Variants in FHIP1A observed in about 807,000 individuals in gnomAD.
The protein encoded by FHIP1A is FHF complex subunit HOOK-interacting protein 1A.
FHIP1A carries 61 observed loss-of-function variants against 88.6 expected under a neutral mutation model. The ratio of observed to expected loss-of-function variants is 0.69; its 90% CI spans 0.56 to 0.85. FHIP1A has a LOEUF of 0.85. Ranked by LOEUF, FHIP1A falls within the 40% of genes least tolerant of loss-of-function variation. FHIP1A has a pLI of 0.00. For missense variants in FHIP1A, 1,154 were observed against 1,273.5 expected (o/e 0.91, Z 1.43); for synonymous variants, 478 against 496.0 (o/e 0.96, Z 0.48).
chr4:151,619,624 C>T (rs1044341633), intron 7 of FHIP1A, among the ~76,000 whole-genome samples: 3 of 152,052 alleles, frequency 2.0e-5, no homozygotes, highest in Admixed American at 6.6e-5. Flanking sequence ...TCATGGGCTG[C>T]GAATAAATGT....
At chr4:151,560,402 G>A (rs1733127897) in intron 3 of FHIP1A, among the ~76,000 whole-genome samples, 1 of 151,986 alleles carries the variant, frequency 6.6e-6, no homozygotes, top group South Asian at 2.1e-4. Flanking sequence ...ACATGACCAA[G>A]ACAAAAACTT....
intron 3 of FHIP1A, among the ~76,000 whole-genome samples, chr4:151,523,195 G>A (rs113130790): frequency 0.012 from 1,786 of 152,278 alleles, 26 homozygotes; most frequent in African/African-American, 0.042. Context: ...AACTTAAGAA[G>A]AGGTGGCATT....
In FHIP1A at chr4:151,656,283, C is replaced by CT. The variant is rs1298644709; in HGVS notation, c.2606dup (p.Leu869PhefsTer4). Reference sequence around the variant, plus strand: ...AAGCTGGAGAACATGCTGGAGAACTCTTTACATGTTAATTTGCTGCTTATC... The same window carrying CT: ...AAGCTGGAGAACATGCTGGAGAACTCTTTTACATGTTAATTTGCTGCTTATC... On this transcript the variant is annotated frameshift_variant, in exon 12 of 14. Transcript: ENST00000435205. LOFTEE classifies it high-confidence loss of function. This position sits in a 1 kb window ranked among gnomAD's most constrained non-coding sequence, Gnocchi z 4.2. 6.4e-7 allele frequency: 1 copy of CT among 1,551,474 alleles called. No homozygotes were observed. The highest frequency in any genetic ancestry group is 1.4e-5 in the African/African-American group (1 of 73,022).
chr4:151,649,718 C>G lies in FHIP1A; in HGVS notation c.1677C>G (p.Pro559=). 6.4e-7 allele frequency: 1 copy of G among 1,551,666 alleles called. No homozygotes were observed. Among genetic ancestry groups the G allele is most frequent in the East Asian group, 2.4e-5 (1 of 40,916 alleles). ...TGTTCGGGCTCCCGCAACAACTCCC[C>G]AGGAAGACAGGACCTCAGCTGGCTC... is the stretch of plus-strand genomic sequence containing the variant. The part of the protein sequence containing the change: ...CPVFGLPQQL[P]RKTGPQLAPR... The change falls in exon 11 of 14, where the codon CCC becomes CCG. Residue 559 remains proline, a synonymous_variant. Transcript: ENST00000435205.
intron 3 of FHIP1A, among the ~76,000 whole-genome samples, chr4:151,503,501 C>T (rs1730721942): frequency 6.6e-6 from 1 of 151,990 alleles, no homozygotes; most frequent in Non-Finnish European, 1.5e-5. Flanking sequence ...GTTAGATAAG[C>T]TTGATCTGTA....
chr4:151,449,222 A>G (rs2126576790), intron 1 of FHIP1A, among the ~76,000 whole-genome samples: 1 of 152,244 alleles, frequency 6.6e-6, no homozygotes, highest in Admixed American at 6.5e-5. Flanking sequence ...TGCCTGGTAT[A>G]GTATTGAGCA....
chr4:151,459,199 G>T (rs542251572), intron 2 of FHIP1A, among the ~76,000 whole-genome samples: 5 of 151,670 alleles, frequency 3.3e-5, no homozygotes, highest in Admixed American at 6.6e-5. Flanking sequence ...ATACACACAC[G>T]TGCACAAAAA....
At chr4:151,618,291 T>A (rs1212812246) in intron 7 of FHIP1A, among the ~76,000 whole-genome samples, 1 of 152,224 alleles carries the variant, frequency 6.6e-6, no homozygotes, top group African/African-American at 2.4e-5. Context: ...TTTATGTCAC[T>A]GACATGGAAT....
At chr4:151,433,959 T>G (rs796486687) in intron 1 of FHIP1A, among the ~76,000 whole-genome samples, 2 of 152,204 alleles carry the variant, frequency 1.3e-5, no homozygotes, top group East Asian at 3.8e-4. Context: ...TTCCGTCATA[T>G]CTTTCAGTGT....
intron 4 of FHIP1A, among the ~76,000 whole-genome samples, chr4:151,568,439 A>G (rs759665931): frequency 1.3e-5 from 2 of 152,200 alleles, no homozygotes; most frequent in Non-Finnish European, 2.9e-5. Flanking sequence ...ATAAATCTGG[A>G]AAATGCTCTC....
chr4:151,466,211 T>C (rs1228889225), intron 2 of FHIP1A, among the ~76,000 whole-genome samples: 1 of 152,124 alleles, frequency 6.6e-6, no homozygotes, highest in Non-Finnish European at 1.5e-5. Flanking sequence ...AGCCAAATCA[T>C]GAGTGAACTC....
intron 3 of FHIP1A, among the ~76,000 whole-genome samples, chr4:151,538,902 T>C (rs111769799): frequency 6.6e-6 from 1 of 152,354 alleles, no homozygotes; most frequent in South Asian, 2.1e-4. Context: ...GTAATAGTTT[T>C]ACATAGGTAT....
intron 3 of FHIP1A, among the ~76,000 whole-genome samples, chr4:151,521,494 G>A (rs1254972749): frequency 6.6e-6 from 1 of 152,102 alleles, no homozygotes; most frequent in East Asian, 1.9e-4. Context: ...CGTCTCTGCG[G>A]TCTAATCAGG....
intron 7 of FHIP1A, among the ~76,000 whole-genome samples, chr4:151,614,228 G>A (rs892335080): frequency 5.3e-5 from 8 of 151,954 alleles, no homozygotes; most frequent in African/African-American, 1.9e-4. Context: ...CAGCACTTTG[G>A]GAGGCCGAGG....
At chr4:151,588,790 C>A (rs1403704049) in intron 6 of FHIP1A, 50 bp from the exon 7 acceptor site, 16 of 1,125,702 alleles carry the variant, frequency 1.4e-5, no homozygotes, top group Admixed American at 2.0e-5. Flanking sequence ...ATTTTAAGAA[C>A]TGAAGATTGA....
At chr4:151,631,327 A>G (rs566404009) in intron 8 of FHIP1A, among the ~76,000 whole-genome samples, 56 of 152,278 alleles carry the variant, frequency 3.7e-4, no homozygotes, top group African/African-American at 1.3e-3. Flanking sequence ...AGAAATAAAA[A>G]CAATTAGGAC....
intron 3 of FHIP1A, among the ~76,000 whole-genome samples, 184 bp downstream of exon 3, chr4:151,482,832 T>C (rs911541739): frequency 6.6e-6 from 1 of 152,114 alleles, no homozygotes; most frequent in Non-Finnish European, 1.5e-5. Context: ...AAAAATCTTT[T>C]CTTAAGAACT....
intron 1 of FHIP1A, among the ~76,000 whole-genome samples, chr4:151,444,049 G>C (rs1728505277): frequency 6.7e-6 from 1 of 149,388 alleles, no homozygotes; most frequent in Non-Finnish European, 1.5e-5. Flanking sequence ...AGCCTCCCCA[G>C]GCTCTATTGA....
chr4:151,643,509 T>C (rs1217748264), intron 9 of FHIP1A, among the ~76,000 whole-genome samples: 4 of 152,240 alleles, frequency 2.6e-5, no homozygotes, highest in African/African-American at 9.6e-5. Flanking sequence ...CAATAAATTA[T>C]TGTCAACTGT....
Sources: allele counts gnomAD v4.1 joint callset (sites outside exome capture counted in the v4.1 genomes callset), GRCh38; gene constraint gnomAD v4.1.1; non-coding constraint Gnocchi (gnomAD v3.1); transcripts MANE v1.5; gene names NCBI Gene and HGNC (gene_info 2026-07-23, HGNC 2026-07-21).